MAF: variants seen among roughly 807,000 people sequenced by gnomAD.
The protein encoded by MAF is MAF bZIP transcription factor, also known as transcription factor Maf.
In MAF, 10 loss-of-function variants were observed where a neutral mutation model predicts 22.0. The ratio of observed to expected loss-of-function variants is 0.45; its 90% CI spans 0.28 to 0.77. The LOEUF (loss-of-function observed/expected upper bound fraction) is 0.77, where lower values mean the gene tolerates loss of function less well. Among genes scored for constraint, MAF ranks in the 30% least tolerant of loss-of-function variants. The pLI, the probability that MAF is intolerant of heterozygous loss-of-function variation, is 0.12. For missense variants in MAF, 544 were observed against 548.4 expected (o/e 0.99, Z 0.08); for synonymous variants, 337 against 255.8 (o/e 1.32, Z -3.03).
the MAF span, among the ~76,000 whole-genome samples, chr16:79,320,275 G>C: frequency 1.3e-5 from 2 of 152,132 alleles, no homozygotes; most frequent in Admixed American, 1.3e-4. Context: ...TAGATTATAG[G>C]GGAATAAGAA....
chr16:79,259,734 C>G, the MAF span, among the ~76,000 whole-genome samples: 1 of 152,080 alleles, frequency 6.6e-6, no homozygotes, highest in Admixed American at 6.5e-5. Context: ...TCATCCTAGC[C>G]TAAGAGAGTC....
the MAF span, among the ~76,000 whole-genome samples, chr16:79,291,451 C>T: frequency 6.6e-6 from 1 of 152,150 alleles, no homozygotes; most frequent in South Asian, 2.1e-4. Context: ...GCATGATACT[C>T]TCCAGCGGGT....
Position 79,594,931 on chromosome 16 carries a change from T to G in MAF, c.1119-378A>C, listed in dbSNP as rs921828315. The G allele has an allele frequency of 3.5e-6, 4 of 1,136,088 alleles. No individual in the cohort carries two copies. The African/African-American group carries it at 6.4e-5, about 18-fold the overall frequency. 70.4% of individuals were successfully genotyped at this position (1,136,088 alleles called of 1,614,324 possible). On this transcript the variant is annotated intron_variant, in intron 1 of 1. Transcript: ENST00000326043. ...CCTTGTAGATTCCTATCAAAATGCT[T>G]AATTCTACACAACTATATTTTCCTT...
chr16:79,429,451 G>A, the MAF span, among the ~76,000 whole-genome samples: 1 of 152,128 alleles, frequency 6.6e-6, no homozygotes, highest in African/African-American at 2.4e-5. Context: ...TCTGAGGAGC[G>A]CCGTGCCTCC....
the MAF span, among the ~76,000 whole-genome samples, chr16:79,325,254 C>A: frequency 2.0e-5 from 3 of 152,172 alleles, no homozygotes; most frequent in Admixed American, 1.3e-4. Context: ...AACAAAGAAA[C>A]CTGATTTGGA....
chr16:79,483,310 C>T, the MAF span, among the ~76,000 whole-genome samples: 1 of 128,572 alleles, frequency 7.8e-6, no homozygotes, highest in South Asian at 2.9e-4. Flanking sequence ...ATTAAGACCT[C>T]TGTGAACAAA....
chr16:79,411,360 T>A, the MAF span, among the ~76,000 whole-genome samples: 5 of 152,188 alleles, frequency 3.3e-5, no homozygotes, highest in African/African-American at 1.2e-4. Flanking sequence ...TAATTCTAAT[T>A]CCTGTATTAT....
At chr16:79,253,167 A>G in the MAF span, among the ~76,000 whole-genome samples, 5 of 152,188 alleles carry the variant, frequency 3.3e-5, no homozygotes, top group Admixed American at 6.5e-5. Context: ...TGCAAGGCAC[A>G]GCCCTGACGC....
the MAF span, among the ~76,000 whole-genome samples, chr16:79,351,584 C>A: frequency 6.6e-6 from 1 of 152,084 alleles, no homozygotes; most frequent in South Asian, 2.1e-4. Flanking sequence ...CTCAGAGTCA[C>A]AGAGCCCAGA....
the MAF span, among the ~76,000 whole-genome samples, chr16:79,356,702 T>C: frequency 6.6e-6 from 1 of 152,294 alleles, no homozygotes; most frequent in Non-Finnish European, 1.5e-5. Context: ...CTCAGTTTAG[T>C]TATTATGTTT....
the MAF span, among the ~76,000 whole-genome samples, chr16:79,301,430 C>A: frequency 6.6e-6 from 1 of 152,028 alleles, no homozygotes; most frequent in Non-Finnish European, 1.5e-5. Flanking sequence ...TTTTTTCCCC[C>A]CATTTGAGGG....
the MAF span, among the ~76,000 whole-genome samples, chr16:79,400,812 G>C: frequency 6.6e-6 from 1 of 152,152 alleles, no homozygotes; most frequent in Non-Finnish European, 1.5e-5. Context: ...TACAGCAGTC[G>C]ACTTTCAACC....
At chr16:79,502,708 A>AATATAAATATAAATATATAT in the MAF span, among the ~76,000 whole-genome samples, 3 of 33,968 alleles carry the variant, frequency 8.8e-5, no homozygotes, top group Non-Finnish European at 1.1e-4. Context: ...TATAAATATA[A>AATATAAATATAAATATATAT]ATATATATAT....
the MAF span, among the ~76,000 whole-genome samples, chr16:79,497,633 A>G: frequency 1.3e-5 from 2 of 152,230 alleles, no homozygotes; most frequent in Non-Finnish European, 2.9e-5. Context: ...GAATCTGGTG[A>G]GGTCTAGACC....
the MAF span, among the ~76,000 whole-genome samples, chr16:79,509,500 G>A: frequency 1.3e-5 from 2 of 152,124 alleles, no homozygotes; most frequent in Admixed American, 6.5e-5. Flanking sequence ...TTGCTGGATG[G>A]AACACGAGGC....
chr16:79,306,694 T>C, the MAF span, among the ~76,000 whole-genome samples: 2 of 151,946 alleles, frequency 1.3e-5, no homozygotes, highest in African/African-American at 4.8e-5. Flanking sequence ...TGCCAGCAGG[T>C]TCATCATCAT....
chr16:79,570,773 T>C, the MAF span, among the ~76,000 whole-genome samples: 3 of 152,226 alleles, frequency 2.0e-5, no homozygotes, highest in African/African-American at 7.2e-5. Context: ...ACAATACAAC[T>C]GGTCCTTCTG....
At chr16:79,456,119 C>T in the MAF span, among the ~76,000 whole-genome samples, 5 of 152,170 alleles carry the variant, frequency 3.3e-5, no homozygotes, top group East Asian at 9.6e-4. Flanking sequence ...TAAACGCTGC[C>T]CATGTCTCTA....
chr16:79,466,867 G>C, the MAF span, among the ~76,000 whole-genome samples: 1 of 152,204 alleles, frequency 6.6e-6, no homozygotes, highest in South Asian at 2.1e-4. Flanking sequence ...TAGCTGCAGT[G>C]TTCCATATGG....
Sources: allele counts gnomAD v4.1 joint callset (sites outside exome capture counted in the v4.1 genomes callset), GRCh38; gene constraint gnomAD v4.1.1; transcripts MANE v1.5; gene names NCBI Gene and HGNC (gene_info 2026-07-23, HGNC 2026-07-21).